STON2: variants seen among roughly 807,000 people sequenced by gnomAD.
STON2 encodes the protein stonin-2.
Under a neutral mutation model 65.7 loss-of-function variants are expected in STON2, and 29 were observed. The observed-to-expected ratio is 0.44, with a 90% confidence interval of 0.33 to 0.60. The LOEUF is 0.60. Among genes scored for constraint, STON2 ranks in the 20% least tolerant of loss-of-function variants. STON2 has a pLI of 0.03. For missense variants in STON2, 1,054 were observed against 1,118.1 expected, an observed-to-expected ratio of 0.94 and a Z score of 0.82; for synonymous variants, 404 against 414.2, an observed-to-expected ratio of 0.98 and a Z score of 0.30.
chr14:81,313,814 C>T (rs201615851), intron 5 of STON2, among the ~76,000 whole-genome samples: 52 of 80,602 alleles, frequency 6.5e-4, no homozygotes, highest in East Asian at 1.7e-3. Flanking sequence ...AAAAAATACA[C>T]ACACACACAC....
intron 5 of STON2, among the ~76,000 whole-genome samples, chr14:81,300,951 A>C (rs1036951468): frequency 1.3e-5 from 2 of 152,224 alleles, no homozygotes; most frequent in Non-Finnish European, 2.9e-5. Context: ...AGGAGAATGA[A>C]TAAGCAAAGA....
rs564603334 is a variant in STON2 at position 81,417,834 on chromosome 14, C to T, written c.-199+9268G>A. On this transcript the variant is annotated intron_variant, in intron 2 of 8. Transcript: ENST00000553821. ...CCTACATAAGGGAGTGGGGCTGGGA[C>T]GGGGGAAGTTAGACCCTCGGGTGAC... 1.3e-4 allele frequency among the ~76,000 whole-genome samples: 19 copies of T among 151,964 alleles called. No individual in the cohort carries two copies. In the East Asian group the frequency reaches 3.1e-3, roughly 25 times the overall value.
intron 5 of STON2, among the ~76,000 whole-genome samples, chr14:81,283,719 C>T (rs984909156): frequency 6.6e-5 from 10 of 151,988 alleles, no homozygotes; most frequent in African/African-American, 1.9e-4. Flanking sequence ...TTAGTAGAGA[C>T]GGGGTTTCAC....
chr14:81,296,568 T>C (rs919111668), intron 5 of STON2, among the ~76,000 whole-genome samples: 1 of 152,172 alleles, frequency 6.6e-6, no homozygotes, highest in African/African-American at 2.4e-5. Flanking sequence ...CTGGCATATG[T>C]CTCTTTTTCT....
Position 81,261,362 on chromosome 14 carries a change from G to A in STON2, c.*7052C>T, listed in dbSNP as rs1894135986. ...CACGAGCAAGCAGGAAGAGGATGCT[G>A]GAATTCCTTACTCTGTCCAGTTGGA... is the stretch of plus-strand genomic sequence containing the variant. On this transcript the variant is annotated 3_prime_UTR_variant, in exon 8 of 8. Transcript: ENST00000614646. The A allele has an allele frequency of 6.5e-6, 1 of 152,730 alleles. No individual in the cohort carries two copies. Among genetic ancestry groups the A allele is most frequent in the Non-Finnish European group, 1.5e-5 (1 of 68,532 alleles). The allele number at this position is 152,730 out of a possible 1,614,324, so 9.5% of individuals were successfully genotyped here. A position where few individuals can be genotyped will look rare whatever the true frequency, so the allele number is the denominator to read the frequency against.
chr14:81,373,999 CTT>C (rs57877137), intron 3 of STON2, among the ~76,000 whole-genome samples: 3 of 60,462 alleles, frequency 5.0e-5, no homozygotes, highest in Non-Finnish European at 8.4e-5. Context: ...ATAATAATGC[CTT>C]TTTTTTTTTT....
intron 5 of STON2, among the ~76,000 whole-genome samples, chr14:81,318,069 G>A (rs111514184): frequency 9.9e-5 from 15 of 152,172 alleles, no homozygotes; most frequent in East Asian, 9.7e-4. Context: ...GGGTTCAAGC[G>A]AGTCTCCTGC....
intron 5 of STON2, among the ~76,000 whole-genome samples, chr14:81,295,220 G>C (rs1451703519): frequency 6.6e-6 from 1 of 152,182 alleles, no homozygotes; most frequent in African/African-American, 2.4e-5. Flanking sequence ...AGCTACTCTG[G>C]AGGCTGAGGC....
In STON2 at chr14:81,413,690, G is replaced by A. The variant is rs917298285; in HGVS notation, c.-199+13412C>T. Among the ~76,000 whole-genome samples, 2 of 138,796 alleles carry A rather than the reference G, an allele frequency of 1.4e-5. 1 individual carries two copies. The highest frequency in any genetic ancestry group is 6.0e-5 in the African/African-American group (2 of 33,520). 91.1% of individuals were successfully genotyped at this position (138,796 alleles called of 152,430 possible). A position where few individuals can be genotyped will look rare whatever the true frequency, so the allele number is the denominator to read the frequency against. On this transcript the variant is annotated intron_variant, in intron 2 of 8. Transcript: ENST00000553821. ...GTTTGTCTGTGATCCCAGCTACTGG[G>A]GAGGCTGAGGCAGGAGAACTGCTTG...
upstream of STON2, among the ~76,000 whole-genome samples, chr14:81,403,262 T>A (rs1900691388): frequency 6.6e-6 from 1 of 152,226 alleles, no homozygotes; most frequent in East Asian, 1.9e-4. Flanking sequence ...CACCTTCAAG[T>A]CTTAGCTCAA....
intron 4 of STON2, among the ~76,000 whole-genome samples, chr14:81,363,316 A>G (rs1346275814): frequency 2.0e-5 from 3 of 152,188 alleles, no homozygotes; most frequent in Non-Finnish European, 4.4e-5. Context: ...AATTTTAAAA[A>G]TTATATATAA....
chr14:81,360,752 T>C (rs1057059534), intron 4 of STON2, among the ~76,000 whole-genome samples: 1 of 151,968 alleles, frequency 6.6e-6, no homozygotes, highest in Non-Finnish European at 1.5e-5. Context: ...GTTGATAACA[T>C]AATCTTCCAT....
chr14:81,413,127 C>T (rs1595459845), intron 2 of STON2: 2 of 1,274,700 alleles, frequency 1.6e-6, no homozygotes, highest in Non-Finnish European at 2.2e-6. Flanking sequence ...TACAATCCCA[C>T]CTGACACTGC....
chr14:81,427,562 A>G (rs1448626540), intron 1 of STON2, among the ~76,000 whole-genome samples: 1 of 152,106 alleles, frequency 6.6e-6, no homozygotes, highest in African/African-American at 2.4e-5. Context: ...CAGCTGGAGG[A>G]GCTGGCTGTG....
intron 3 of STON2, among the ~76,000 whole-genome samples, chr14:81,383,594 C>T (rs1252400539): frequency 3.3e-5 from 5 of 152,200 alleles, no homozygotes; most frequent in Middle Eastern, 6.8e-3. Flanking sequence ...TTTGCTAGTC[C>T]TACCTTCAAA....
Position 81,266,898 on chromosome 14 carries a change from G to A in STON2, c.*1516C>T. On this transcript the variant is annotated 3_prime_UTR_variant, in exon 8 of 8. Coordinates refer to ENST00000614646, the MANE Select transcript of STON2 (RefSeq NM_001394390.1). ...TGCATTTTAAAAACCCAGAATATAG[G>A]GTTTCTCATTAATGCCTATTCAATC... is the stretch of plus-strand genomic sequence containing the variant. 2.0e-6 allele frequency: 2 copies of A among 981,630 alleles called. No individual in the cohort carries two copies. Among genetic ancestry groups the A allele is most frequent in the African/African-American group, 1.7e-5 (1 of 57,152 alleles). The allele number at this position is 981,630 out of a possible 1,614,324, so 60.8% of individuals were successfully genotyped here. A position where few individuals can be genotyped will look rare whatever the true frequency, so the allele number is the denominator to read the frequency against.
intron 3 of STON2, among the ~76,000 whole-genome samples, chr14:81,385,304 C>T (rs1276723624): frequency 3.3e-5 from 5 of 152,206 alleles, no homozygotes; most frequent in African/African-American, 9.6e-5. Flanking sequence ...TTTTTAAGAA[C>T]ACTTCACCAT....
rs993241644 is a variant in STON2 at position 81,271,089 on chromosome 14, C to T, written c.2582-217G>A. 2.0e-4 allele frequency among the ~76,000 whole-genome samples: 31 copies of T among 152,116 alleles called. 1 individual carries two copies. Among genetic ancestry groups the T allele is most frequent in the African/African-American group, 6.8e-4 (28 of 41,426 alleles). Reference sequence around the variant, plus strand: ...ATATAACTCCATCGGATTCTAGCAGCCTGGTATCCTAGCAATAAAACCCAA... The same window carrying T: ...ATATAACTCCATCGGATTCTAGCAGTCTGGTATCCTAGCAATAAAACCCAA... On this transcript the variant is annotated intron_variant, in intron 6 of 7. Coordinates refer to ENST00000614646, the MANE Select transcript of STON2 (RefSeq NM_001394390.1).
chr14:81,281,019 A>G (rs112927024), intron 5 of STON2, among the ~76,000 whole-genome samples: 4 of 152,046 alleles, frequency 2.6e-5, no homozygotes, highest in African/African-American at 9.6e-5. Context: ...TCAAAAAAAA[A>G]AAAAAAAGAA....
Sources: allele counts gnomAD v4.1 joint callset (sites outside exome capture counted in the v4.1 genomes callset), GRCh38; gene constraint gnomAD v4.1.1; transcripts MANE v1.5; gene names NCBI Gene and HGNC (gene_info 2026-07-23, HGNC 2026-07-21).